Variants in TNNI3K observed in about 807,000 individuals in gnomAD.
The protein encoded by TNNI3K is serine/threonine-protein kinase TNNI3K.
TNNI3K carries 140 observed loss-of-function variants against 114.5 expected under a neutral mutation model. That is an observed-to-expected ratio of 1.22 (90% CI 1.07 to 1.41). The LOEUF (loss-of-function observed/expected upper bound fraction) is 1.41, where lower values mean the gene tolerates loss of function less well. Ranked by LOEUF, TNNI3K falls within the 40% of genes most tolerant of loss-of-function variation. The pLI is 0.00. For missense variants in TNNI3K, 1,125 were observed against 1,007.6 expected (o/e 1.12, Z -1.58); for synonymous variants, 347 against 347.5 (o/e 1.00, Z 0.02).
Position 74,436,523 on chromosome 1 carries a change from T to C in TNNI3K, c.1875T>C (p.Pro625=), listed in dbSNP as rs762223883. 7 of 1,585,084 alleles carry C rather than the reference T, an allele frequency of 4.4e-6. No homozygotes were observed. Among genetic ancestry groups the C allele is most frequent in the Non-Finnish European group, 6.0e-6 (7 of 1,172,408 alleles). ...SLDEDNMTKQ[P]GNLRWMAPEV... The stretch of plus-strand genomic sequence containing the variant: ...ATGAAGACAACATGACAAAACAACC[T>C]GGGGTTTGCTGCTGCTTGTGTTTCC... The change falls in exon 19 of 25, where the codon CCT becomes CCC. Residue 625 remains proline, a synonymous_variant. Transcript: ENST00000326637.
chr1:74,447,014 G>T (rs973754919), intron 20 of TNNI3K, among the ~76,000 whole-genome samples: 4 of 123,370 alleles, frequency 3.2e-5, no homozygotes, highest in African/African-American at 9.1e-5. Context: ...GGATTGACTT[G>T]GCGATGCGGG....
chr1:74,533,968 T>A (rs761354678), intron 23 of TNNI3K, among the ~76,000 whole-genome samples: 2 of 152,216 alleles, frequency 1.3e-5, no homozygotes, highest in Non-Finnish European at 2.9e-5. Flanking sequence ...TCTGGCTAGC[T>A]CTGTGAGTTT....
intron 21 of TNNI3K, chr1:74,468,074 GT>G (rs1199448942): frequency 6.6e-6 from 1 of 152,134 alleles, no homozygotes; most frequent in Non-Finnish European, 1.5e-5. Context: ...TCATAAAGAG[GT>G]AAAAGACTGG....
At chr1:74,373,712 T>G (rs1305836782) in intron 17 of TNNI3K, 2 of 151,862 alleles carry the variant, frequency 1.3e-5, no homozygotes, top group African/African-American at 4.8e-5. Context: ...CCAATAACTT[T>G]TATAATTTTA....
At chr1:74,309,397 A>G (rs1230617059) in intron 5 of TNNI3K, among the ~76,000 whole-genome samples, 1 of 142,636 alleles carries the variant, frequency 7.0e-6, no homozygotes, top group Non-Finnish European at 1.5e-5. Flanking sequence ...GATAATATCA[A>G]TCTTACTGAA....
chr1:74,266,107 G>A (rs755110170), intron 4 of TNNI3K, among the ~76,000 whole-genome samples: 6 of 151,984 alleles, frequency 3.9e-5, no homozygotes, highest in Admixed American at 1.3e-4. Flanking sequence ...AATTCAGACA[G>A]GATGCCGTGT....
rs181607299 is a variant in TNNI3K, at chr1:74,491,376, C to T, written c.2182-721C>T. Among the ~76,000 whole-genome samples, 1,255 of 152,310 alleles carry T rather than the reference C, an allele frequency of 8.2e-3. 22 individuals are homozygous for T. Among genetic ancestry groups the T allele is most frequent in the African/African-American group, 0.028 (1,177 of 41,574 alleles). On this transcript the variant is annotated intron_variant, in intron 22 of 24. Transcript: ENST00000326637. ...CTGGGACTACAGGTGCGTGCCACCA[C>T]TCCCAGCTAATTTTTGTATTTTTAT... is the stretch of plus-strand genomic sequence containing the variant.
At chr1:74,269,323 T>C (rs1346332105) in intron 4 of TNNI3K, among the ~76,000 whole-genome samples, 2 of 151,892 alleles carry the variant, frequency 1.3e-5, no homozygotes, top group Non-Finnish European at 2.9e-5. Flanking sequence ...GCGATTTCAC[T>C]ATCTTTACTC....
chr1:74,517,617 A>C (rs1034726859), intron 23 of TNNI3K, among the ~76,000 whole-genome samples: 1 of 152,204 alleles, frequency 6.6e-6, no homozygotes, highest in African/African-American at 2.4e-5. Flanking sequence ...ATAATCTGCT[A>C]TGTCCAACTC....
intron 23 of TNNI3K, among the ~76,000 whole-genome samples, chr1:74,524,193 C>G (rs959788155): frequency 6.6e-6 from 1 of 152,202 alleles, no homozygotes; most frequent in Non-Finnish European, 1.5e-5. Flanking sequence ...CACAGAGTAA[C>G]CATGTAGCAA....
intron 5 of TNNI3K, among the ~76,000 whole-genome samples, chr1:74,285,183 A>G (rs1422625814): frequency 6.6e-6 from 1 of 152,214 alleles, no homozygotes; most frequent in Non-Finnish European, 1.5e-5. Context: ...TTCATTCAAA[A>G]TGCTCCTGAA....
At chr1:74,496,348 C>T (rs17095443) in intron 23 of TNNI3K, among the ~76,000 whole-genome samples, 3 of 152,154 alleles carry the variant, frequency 2.0e-5, no homozygotes, top group Non-Finnish European at 2.9e-5. Context: ...GTACCACTAA[C>T]TTCTGATCTT....
intron 5 of TNNI3K, among the ~76,000 whole-genome samples, chr1:74,311,321 G>A (rs751124380): frequency 6.6e-6 from 1 of 151,942 alleles, no homozygotes; most frequent in Non-Finnish European, 1.5e-5. Flanking sequence ...AGAACTTGTA[G>A]GCTTCTAGCT....
At chr1:74,538,873 A>G (rs1459859171) in intron 23 of TNNI3K, among the ~76,000 whole-genome samples, 3 of 152,210 alleles carry the variant, frequency 2.0e-5, no homozygotes, top group Non-Finnish European at 4.4e-5. Context: ...TTAGCAAAAG[A>G]TGTGGAGAAG....
intron 9 of TNNI3K, among the ~76,000 whole-genome samples, chr1:74,352,924 G>A (rs532769870): frequency 7.2e-5 from 11 of 152,292 alleles, no homozygotes; most frequent in African/African-American, 2.4e-4. Context: ...CCCAGGTGAG[G>A]CAATGCCTCG....
chr1:74,515,202 A>G (rs549119520), intron 23 of TNNI3K, among the ~76,000 whole-genome samples: 3 of 152,280 alleles, frequency 2.0e-5, no homozygotes, highest in Admixed American at 2.0e-4. Context: ...GAACTTTCTT[A>G]TGGCAGCCCT....
intron 9 of TNNI3K, among the ~76,000 whole-genome samples, chr1:74,346,719 C>T (rs565527757): frequency 1.3e-5 from 2 of 150,654 alleles, no homozygotes; most frequent in African/African-American, 2.5e-5. Context: ...TAAAGAAATA[C>T]CACAGACTGG....
intron 23 of TNNI3K, chr1:74,512,443 CTT>C (rs1670277602): frequency 6.6e-6 from 1 of 152,130 alleles, no homozygotes; most frequent in African/African-American, 2.4e-5. Context: ...AAGTCTGTCT[CTT>C]TAAATGGTGA....
chr1:74,267,535 T>C (rs543912546), intron 4 of TNNI3K, among the ~76,000 whole-genome samples: 6 of 152,064 alleles, frequency 3.9e-5, no homozygotes, highest in African/African-American at 7.2e-5. Flanking sequence ...GGCTATAAAA[T>C]AGGGTTAATA....
Sources: gnomAD v4.1 joint callset for allele counts (sites outside exome capture counted in the v4.1 genomes callset) on GRCh38, gnomAD v4.1.1 for gene constraint, MANE v1.5 for transcripts, NCBI Gene and HGNC (gene_info 2026-07-23, HGNC 2026-07-21) for gene names.